The following PSD3 variants were observed in gnomAD, a reference collection of about 807,000 sequenced individuals.
PSD3 encodes PH and SEC7 domain-containing protein 3.
In PSD3, 49 loss-of-function variants were observed where a neutral mutation model predicts 105.5. The observed-to-expected ratio is 0.46, with a 90% CI of 0.37 to 0.59. The LOEUF (loss-of-function observed/expected upper bound fraction) is 0.59, where lower values mean the gene tolerates loss of function less well. Ranked by LOEUF, PSD3 falls within the 20% of genes least tolerant of loss-of-function variation. The pLI is 0.00. For synonymous variants in PSD3, 557 were observed against 457.8 expected (o/e 1.22, Z -2.77); for missense variants, 1,561 against 1,263.8 (o/e 1.24, Z -3.57).
At chr8:18,659,012 T>C (rs1179520832) in intron 9 of PSD3, among the ~76,000 whole-genome samples, 1 of 152,136 alleles carries the variant, frequency 6.6e-6, no homozygotes, top group East Asian at 1.9e-4. Flanking sequence ...AGTATGAAAG[T>C]TCCCAGTAGA....
At chr8:18,931,555 C>T (rs17127456) in intron 2 of PSD3, among the ~76,000 whole-genome samples, 6,108 of 152,238 alleles carry the variant, frequency 0.04, 175 homozygotes, top group South Asian at 0.063. Flanking sequence ...TCAGAGGCTT[C>T]CAAGCAACTA....
chr8:18,653,196 GA>G (rs1343374671), intron 10 of PSD3, among the ~76,000 whole-genome samples: 20 of 152,068 alleles, frequency 1.3e-4, no homozygotes, highest in Non-Finnish European at 1.5e-5. Context: ...GAAATTTACA[GA>G]ATATTAGAAC....
chr8:18,684,248 A>ACCC (rs1387630332), intron 9 of PSD3: 1 of 162,572 alleles, frequency 6.2e-6, no homozygotes, highest in African/African-American at 2.7e-5. Context: ...ACACACACAC[A>ACCC]CACCCCATCA....
chr8:18,872,132 C>T lies in PSD3; in HGVS notation c.732G>A (p.Gln244=). 6.2e-7 allele frequency: 1 copy of T among 1,614,144 alleles called. No individual in the cohort carries two copies. Among genetic ancestry groups the T allele is most frequent in the Non-Finnish European group, 8.5e-7 (1 of 1,179,992 alleles). The stretch of plus-strand genomic sequence containing the variant: ...GGGAGGCCAAAGGACAAGATGGCTC[C>T]TGCACACAGACAGCCCCTTTCCTCC... ...NNGRKGAVCV[Q]EPSCPLASLG... is the part of the protein sequence containing the mutation. Residue 244 remains glutamine, a synonymous_variant, in exon 3 of 16, where the codon CAG becomes CAA. Transcript: ENST00000327040.
chr8:18,930,327 G>A (rs559923485), intron 2 of PSD3, among the ~76,000 whole-genome samples: 5 of 152,218 alleles, frequency 3.3e-5, no homozygotes, highest in Non-Finnish European at 5.9e-5. Context: ...GGCAAAAGAA[G>A]GGATTAAATA....
At chr8:18,835,497 A>C (rs537738973) in intron 4 of PSD3, among the ~76,000 whole-genome samples, 1 of 152,220 alleles carries the variant, frequency 6.6e-6, no homozygotes, top group Admixed American at 6.5e-5. Context: ...CCAAAACAAG[A>C]CAAAAATCCC....
chr8:18,939,293 T>G (rs1479494355), intron 1 of PSD3, among the ~76,000 whole-genome samples: 3 of 152,154 alleles, frequency 2.0e-5, no homozygotes, highest in Non-Finnish European at 4.4e-5. Context: ...TTATTTGCAT[T>G]TACCTTTAGA....
At chr8:19,036,581 G>C in intron 1 of PSD3, among the ~76,000 whole-genome samples, 1 of 152,216 alleles carries the variant, frequency 6.6e-6, no homozygotes, top group East Asian at 1.9e-4. Context: ...AACCAGTTGA[G>C]CTCAGAGAGT....
intron 15 of PSD3, among the ~76,000 whole-genome samples, chr8:18,539,608 C>T (rs544756911): frequency 1.1e-3 from 159 of 143,778 alleles, no homozygotes; most frequent in South Asian, 9.8e-3. Context: ...AGGGCAGTGG[C>T]GCGATCTCGG....
At chr8:18,551,175 T>A (rs1800747968) in intron 15 of PSD3, among the ~76,000 whole-genome samples, 10 of 152,174 alleles carry the variant, frequency 6.6e-5, no homozygotes, top group Admixed American at 6.5e-4. Context: ...TAATGGCCCC[T>A]ACTATGAAAA....
intron 9 of PSD3, among the ~76,000 whole-genome samples, chr8:18,659,440 G>C (rs1175337265): frequency 6.6e-6 from 1 of 152,120 alleles, no homozygotes; most frequent in Non-Finnish European, 1.5e-5. Context: ...ATACGGATGA[G>C]GAAATGAAAT....
chr8:18,874,127 G>A lies in PSD3; in HGVS notation c.131-1394C>T, dbSNP rs527624830. On this transcript the variant is annotated intron_variant, in intron 2 of 15. Coordinates refer to ENST00000327040, the MANE Select transcript of PSD3 (RefSeq NM_015310.4). Reference sequence around the variant, plus strand: ...GTACTCACTTTTACTTTATGAAAGAGGACATTAGTTGTTACCATTTTTATT... The same window carrying A: ...GTACTCACTTTTACTTTATGAAAGAAGACATTAGTTGTTACCATTTTTATT... Among the ~76,000 whole-genome samples, 15 of 151,854 alleles carry A rather than the reference G, an allele frequency of 9.9e-5. No homozygotes were observed. In the South Asian group the frequency reaches 2.7e-3, roughly 27 times the overall value.
At chr8:18,779,994 G>C (rs752991918) in intron 8 of PSD3, among the ~76,000 whole-genome samples, 11 of 152,184 alleles carry the variant, frequency 7.2e-5, no homozygotes, top group Non-Finnish European at 1.3e-4. Flanking sequence ...TTGGCTAGAT[G>C]ATCAGTCCAA....
intron 1 of PSD3, among the ~76,000 whole-genome samples, chr8:19,045,333 G>A (rs747486009): frequency 4.6e-5 from 7 of 152,188 alleles, no homozygotes; most frequent in Non-Finnish European, 1.0e-4. Flanking sequence ...ATGAAACCAA[G>A]AGATTCACAA....
intron 8 of PSD3, among the ~76,000 whole-genome samples, chr8:18,776,268 A>G (rs1312835786): frequency 7.0e-6 from 1 of 142,350 alleles, no homozygotes; most frequent in African/African-American, 2.8e-5. Context: ...CTCTATATAT[A>G]TATAATGTAT....
At position 18,531,361 on chromosome 8, in the gene PSD3, G is replaced by A. The variant is rs144532442; in HGVS notation, c.*4382C>T. On this transcript the variant is annotated 3_prime_UTR_variant, in exon 16 of 16. Coordinates refer to ENST00000327040, the MANE Select transcript of PSD3 (RefSeq NM_015310.4). ...TTGTCATAAGCAGAAGGCTGCCCAC[G>A]TGGGTTCTGGATACTGTAGGTACAA... The A allele has an allele frequency of 3.3e-5, 5 of 152,760 alleles. No individual in the cohort carries two copies. Among genetic ancestry groups the A allele is most frequent in the African/African-American group, 7.2e-5 (3 of 41,568 alleles). 9.5% of individuals were successfully genotyped at this position (152,760 alleles called of 1,614,324 possible). A position where few individuals can be genotyped will look rare whatever the true frequency, so the allele number is the denominator to read the frequency against.
chr8:18,634,241 G>A (rs755454477), intron 10 of PSD3, among the ~76,000 whole-genome samples: 10 of 151,912 alleles, frequency 6.6e-5, no homozygotes, highest in Admixed American at 3.3e-4. Flanking sequence ...TGATAATGAC[G>A]GTAATCAGAG....
intron 1 of PSD3, among the ~76,000 whole-genome samples, chr8:19,054,243 G>C (rs1299019301): frequency 6.6e-6 from 1 of 152,174 alleles, no homozygotes; most frequent in East Asian, 1.9e-4. Context: ...TCCTCCCACA[G>C]CTCAGAAACA....
At chr8:18,763,916 C>T (rs1806750689) in intron 9 of PSD3, among the ~76,000 whole-genome samples, 2 of 152,124 alleles carry the variant, frequency 1.3e-5, no homozygotes, top group East Asian at 1.9e-4. Flanking sequence ...ACATACTTTC[C>T]CATGAGGTTT....
Sources: allele counts gnomAD v4.1 joint callset (sites outside exome capture counted in the v4.1 genomes callset), GRCh38; gene constraint gnomAD v4.1.1; transcripts MANE v1.5; gene names NCBI Gene and HGNC (gene_info 2026-07-23, HGNC 2026-07-21).